Variants in OCIAD1 observed in about 807,000 individuals in gnomAD.
The protein encoded by OCIAD1 is OCIA domain-containing protein 1.
A neutral mutation model predicts 38.9 loss-of-function variants in OCIAD1; 29 were observed. The observed-to-expected ratio is 0.74, with a 90% CI of 0.55 to 1.02. The LOEUF is 1.02. Among genes scored for constraint, OCIAD1 ranks in the 50% least tolerant of loss-of-function variants. The pLI is 0.00. For synonymous variants in OCIAD1, 110 were observed against 92.0 expected (o/e 1.20, Z -1.12); for missense variants, 288 against 289.6 (o/e 0.99, Z 0.04).
intron 1 of OCIAD1, among the ~76,000 whole-genome samples, chr4:48,815,517 G>A (rs1777135532): frequency 6.6e-6 from 1 of 152,172 alleles, no homozygotes; most frequent in Admixed American, 6.5e-5. Context: ...TGGTAAGCCT[G>A]CTTTTTGGAG....
intron 4 of OCIAD1, among the ~76,000 whole-genome samples, chr4:48,844,892 A>G (rs1341546018): frequency 2.6e-5 from 4 of 152,230 alleles, no homozygotes; most frequent in Non-Finnish European, 1.5e-5. Context: ...CTATGTAAAT[A>G]GTTGTTATAC....
At chr4:48,840,795 G>A (rs1778443320) in intron 3 of OCIAD1, among the ~76,000 whole-genome samples, 2 of 145,044 alleles carry the variant, frequency 1.4e-5, no homozygotes, top group Non-Finnish European at 1.5e-5. Context: ...CAAGGAGATC[G>A]AGACCAGCCT....
intron 6 of OCIAD1, among the ~76,000 whole-genome samples, chr4:48,850,721 A>G (rs1185457568): frequency 6.6e-6 from 1 of 152,060 alleles, no homozygotes. Context: ...CCACAGGCAT[A>G]CACCACCACG....
At chr4:48,828,242 A>G (rs1414228565), upstream of OCIAD1, among the ~76,000 whole-genome samples, 12 of 150,646 alleles carry the variant, frequency 8.0e-5, no homozygotes, top group Non-Finnish European at 1.6e-4. Context: ...GTGTCTAGCT[A>G]AAGGATTGTA....
At chr4:48,860,310 A>AT (rs201518150) in intron 8 of OCIAD1, 6,231 of 137,984 alleles carry the variant, frequency 0.045, 168 homozygotes, top group Middle Eastern at 0.069. Flanking sequence ...ATTTCCCACT[A>AT]TTTTTTTTTT....
intron 1 of OCIAD1, among the ~76,000 whole-genome samples, chr4:48,817,239 A>C (rs1170753498): frequency 6.6e-6 from 1 of 152,192 alleles, no homozygotes; most frequent in Non-Finnish European, 1.5e-5. Context: ...TGTGCTACCC[A>C]GCTGGGTTAC....
intron 4 of OCIAD1, among the ~76,000 whole-genome samples, chr4:48,845,299 C>T (rs552212483): frequency 2.8e-4 from 43 of 152,282 alleles, no homozygotes; most frequent in Admixed American, 1.7e-3. Flanking sequence ...TATGTTCTAC[C>T]ATTTATTGGA....
chr4:48,852,882 G>GTTTTTTGTTTTTGTTTTTTTTTTTTT (rs1553901200), intron 7 of OCIAD1, among the ~76,000 whole-genome samples: 7 of 126,296 alleles, frequency 5.5e-5, no homozygotes, highest in Non-Finnish European at 1.2e-4. Context: ...TTTGTTTTTT[G>GTTTTTTGTTTTTGTTTTTTTTTTTTT]TTTTTTTTTT....
chr4:48,814,947 T>C (rs942754248), intron 1 of OCIAD1, among the ~76,000 whole-genome samples: 6 of 152,146 alleles, frequency 3.9e-5, no homozygotes, highest in African/African-American at 1.4e-4. Flanking sequence ...AAGAACAAAA[T>C]ATGCCTCAAA....
At chr4:48,849,847 C>A in intron 5 of OCIAD1, 100 bp from the exon 6 acceptor site, 1 of 945,080 alleles carries the variant, frequency 1.1e-6, no homozygotes. Flanking sequence ...AAACCAAAGA[C>A]TTATTTAGAA....
chr4:48,810,553 C>T (rs1386861731), intron 1 of OCIAD1, among the ~76,000 whole-genome samples: 1 of 150,892 alleles, frequency 6.6e-6, no homozygotes, highest in African/African-American at 2.4e-5. Flanking sequence ...AAGGGATTCT[C>T]TTATCTGTCC....
At chr4:48,825,076 C>G (rs768469531) in intron 1 of OCIAD1, among the ~76,000 whole-genome samples, 24 of 152,156 alleles carry the variant, frequency 1.6e-4, no homozygotes, top group Non-Finnish European at 3.4e-4. Flanking sequence ...AATGAAGGAA[C>G]TGTAATTTGC....
chr4:48,839,836 C>T (rs1778365851), intron 3 of OCIAD1, among the ~76,000 whole-genome samples: 1 of 151,974 alleles, frequency 6.6e-6, no homozygotes, highest in South Asian at 2.1e-4. Flanking sequence ...TACTGATTTG[C>T]CTATAGAGAC....
intron 1 of OCIAD1, among the ~76,000 whole-genome samples, chr4:48,816,235 C>G (rs1266867065): frequency 6.6e-6 from 1 of 152,176 alleles, no homozygotes; most frequent in Non-Finnish European, 1.5e-5. Flanking sequence ...AATATCATGG[C>G]ACACATAGAA....
upstream of OCIAD1, among the ~76,000 whole-genome samples, chr4:48,826,464 C>T (rs1262624451): frequency 6.6e-6 from 1 of 152,190 alleles, no homozygotes; most frequent in Non-Finnish European, 1.5e-5. Context: ...TCATCCATGT[C>T]CCTACAAAGG....
chr4:48,827,411 C>T (rs997327564), upstream of OCIAD1, among the ~76,000 whole-genome samples: 4 of 152,096 alleles, frequency 2.6e-5, no homozygotes, highest in East Asian at 3.9e-4. Context: ...CCAGGTGGAT[C>T]GATTTCTGGT....
intron 8 of OCIAD1, chr4:48,860,188 G>T (rs1780473522): frequency 6.6e-6 from 1 of 152,556 alleles, no homozygotes; most frequent in Admixed American, 6.5e-5. Context: ...TCTTCTTATA[G>T]TAGTATTTAC....
chr4:48,848,645 AT>A lies in OCIAD1; in HGVS notation c.241+206del, dbSNP rs570010022. On this transcript the variant is annotated intron_variant, in intron 5 of 8. Coordinates refer to ENST00000264312, the MANE Select transcript of OCIAD1 (RefSeq NM_017830.4). ...TAAAAAATCATCAGTTGAAATAGGC[AT>A]TTTTTTGTGTCTTTATAATGTAATA... 4.4e-3 allele frequency: 1,704 copies of A among 383,330 alleles called. 43 individuals are homozygous for A. The highest frequency in any genetic ancestry group is 0.032 in the African/African-American group (1,560 of 48,048). 23.7% of individuals were successfully genotyped at this position (383,330 alleles called of 1,614,324 possible).
At chr4:48,832,216 A>T (rs1777569226) in intron 1 of OCIAD1, among the ~76,000 whole-genome samples, 1 of 151,906 alleles carries the variant, frequency 6.6e-6, no homozygotes, top group Non-Finnish European at 1.5e-5. Flanking sequence ...ATGACTTGAA[A>T]TTTTTTTTCT....
Sources: gnomAD v4.1 joint callset for allele counts (sites outside exome capture counted in the v4.1 genomes callset) on GRCh38, gnomAD v4.1.1 for gene constraint, MANE v1.5 for transcripts, NCBI Gene and HGNC (gene_info 2026-07-23, HGNC 2026-07-21) for gene names.